Variants in ANO10 observed in about 807,000 individuals in gnomAD.
The protein encoded by ANO10 is anoctamin 10.
ANO10 carries 77 observed loss-of-function variants against 74.7 expected under a neutral mutation model. The ratio of observed to expected loss-of-function variants is 1.03; its 90% confidence interval spans 0.86 to 1.25. The LOEUF is 1.25. Among genes scored for constraint, ANO10 ranks in the 50% most tolerant of loss-of-function variants. The pLI, the probability that ANO10 is intolerant of heterozygous loss-of-function variation, is 0.00. For missense variants in ANO10, 721 were observed against 778.1 expected (o/e 0.93, Z 0.87); for synonymous variants, 279 against 284.9 (o/e 0.98, Z 0.21).
At chr3:43,415,957 G>A (rs928944486) in intron 12 of ANO10, among the ~76,000 whole-genome samples, 1 of 151,442 alleles carries the variant, frequency 6.6e-6, no homozygotes, top group African/African-American at 2.4e-5. Flanking sequence ...AACCTAGACT[G>A]ATGTTGTTAA....
At chr3:43,676,804 T>C (rs2084128339) in intron 1 of ANO10, among the ~76,000 whole-genome samples, 1 of 152,088 alleles carries the variant, frequency 6.6e-6, no homozygotes, top group African/African-American at 2.4e-5. Context: ...AAAAAGACTT[T>C]GTGAAAAAAA....
intron 10 of ANO10, among the ~76,000 whole-genome samples, chr3:43,552,805 CTTTTT>C (rs1405749176): frequency 6.8e-6 from 1 of 146,510 alleles, no homozygotes; most frequent in Admixed American, 6.8e-5. Context: ...ACACTATTTT[CTTTTT>C]GAGATGGAGC....
chr3:43,366,821 T>A lies in ANO10; in HGVS notation c.*85A>T. On this transcript the variant is annotated 3_prime_UTR_variant, in exon 13 of 13. Coordinates refer to ENST00000292246, the MANE Select transcript of ANO10 (RefSeq NM_018075.5). The stretch of plus-strand genomic sequence containing the variant: ...GGTCTGGGTTCAGGAGCCACGATGC[T>A]GCCCCGGGTACCCCCCCTGCCACCG... 2 of 1,393,662 alleles carry A rather than the reference T, an allele frequency of 1.4e-6. No homozygotes were observed. Among genetic ancestry groups the A allele is most frequent in the Admixed American group, 3.9e-5 (2 of 50,836 alleles). 86.3% of individuals were successfully genotyped at this position (1,393,662 alleles called of 1,614,324 possible).
intron 12 of ANO10, among the ~76,000 whole-genome samples, chr3:43,425,758 A>G (rs905413319): frequency 2.0e-5 from 3 of 152,124 alleles, no homozygotes; most frequent in African/African-American, 7.2e-5. Flanking sequence ...GAAATCAAAT[A>G]TTTTACCCCA....
chr3:43,506,383 G>C lies in ANO10; in HGVS notation c.1797+43337C>G, dbSNP rs115761279. On this transcript the variant is annotated intron_variant, in intron 11 of 12. Coordinates refer to ENST00000292246, the MANE Select transcript of ANO10 (RefSeq NM_018075.5). ...GTCCAAGACACCGTCTCTGTCCTAAGCCATTGCCATGACTTCCTACCTGGT... is the reference window on the plus strand; with the variant it reads ...GTCCAAGACACCGTCTCTGTCCTAACCCATTGCCATGACTTCCTACCTGGT... Among the ~76,000 whole-genome samples the C allele has an allele frequency of 3.3e-3, 506 of 152,212 alleles. 6 individuals are homozygous for C. The highest frequency in any genetic ancestry group is 0.01 in the African/African-American group (435 of 41,512).
chr3:43,370,332 C>G (rs550073508), intron 12 of ANO10, among the ~76,000 whole-genome samples: 2 of 152,346 alleles, frequency 1.3e-5, no homozygotes, highest in South Asian at 4.1e-4. Context: ...TTTTAACGAG[C>G]CTTCGAGTTT....
chr3:43,565,535 A>C, intron 8 of ANO10, 118 bp downstream of exon 8: 1 of 903,204 alleles, frequency 1.1e-6, no homozygotes, highest in Non-Finnish European at 1.7e-6. Flanking sequence ...GCTTAAAAAC[A>C]TACAAAATTT....
At chr3:43,374,400 C>T (rs1351884223) in intron 12 of ANO10, among the ~76,000 whole-genome samples, 1 of 152,126 alleles carries the variant, frequency 6.6e-6, no homozygotes, top group Non-Finnish European at 1.5e-5. Context: ...GAGAGACATA[C>T]CATTATGATT....
At chr3:43,453,599 T>C (rs989100990) in intron 11 of ANO10, among the ~76,000 whole-genome samples, 1 of 152,244 alleles carries the variant, frequency 6.6e-6, no homozygotes, top group Non-Finnish European at 1.5e-5. Context: ...TCTTGGCTTA[T>C]ACTTAGGTCT....
intron 11 of ANO10, among the ~76,000 whole-genome samples, chr3:43,454,744 G>C (rs1221547500): frequency 6.6e-6 from 1 of 152,178 alleles, no homozygotes; most frequent in African/African-American, 2.4e-5. Context: ...GAGACCTTCA[G>C]AAGTGGTGTC....
intron 1 of ANO10, among the ~76,000 whole-genome samples, chr3:43,682,315 A>G (rs2084212676): frequency 6.6e-6 from 1 of 152,250 alleles, no homozygotes; most frequent in South Asian, 2.1e-4. Context: ...TATGCAAATA[A>G]ACTAGAAAAT....
chr3:43,604,156 G>A (rs907832297), intron 2 of ANO10, among the ~76,000 whole-genome samples: 1 of 152,142 alleles, frequency 6.6e-6, no homozygotes, highest in Admixed American at 6.5e-5. Flanking sequence ...TACCTATAAT[G>A]TAGCGTGCTC....
At chr3:43,691,050 C>A in intron 1 of ANO10, 1 of 1,548,382 alleles carries the variant, frequency 6.5e-7, no homozygotes, top group African/African-American at 1.4e-5. Flanking sequence ...GTAAGCGCAG[C>A]CGGCAGGGGG....
In ANO10 at chr3:43,561,307, C is replaced by G. The variant is rs2080022229; in HGVS notation, c.1389G>C (p.Val463=). 1.9e-6 allele frequency: 3 copies of G among 1,614,166 alleles called. No individual in the cohort carries two copies. Among genetic ancestry groups the G allele is most frequent in the Non-Finnish European group, 2.5e-6 (3 of 1,180,014 alleles). ...YWLQRKHGVR[V]KRKVQALKAD... is the part of the protein sequence containing the mutation. ...CCTTTAAAGCCTGCACCTTCCTCTT[C>G]ACCCGCACACCATGCTTCCTTTGGA... Residue 463 remains valine (V), a synonymous_variant, in exon 9 of 13, where the codon GTG becomes GTC. Transcript: ENST00000292246.
intron 11 of ANO10, among the ~76,000 whole-genome samples, chr3:43,467,735 T>C (rs1215151454): frequency 6.6e-6 from 1 of 152,218 alleles, no homozygotes; most frequent in Non-Finnish European, 1.5e-5. Context: ...CTTTATTGTA[T>C]GTAAATTATA....
intron 11 of ANO10, among the ~76,000 whole-genome samples, chr3:43,477,750 C>T (rs772787278): frequency 5.9e-5 from 9 of 152,208 alleles, no homozygotes; most frequent in Non-Finnish European, 1.0e-4. Context: ...CACAGGAAGA[C>T]GCGAAGGTGA....
At chr3:43,529,411 A>G (rs1297139854) in intron 11 of ANO10, among the ~76,000 whole-genome samples, 2 of 152,146 alleles carry the variant, frequency 1.3e-5, no homozygotes, top group African/African-American at 4.8e-5. Flanking sequence ...CATCTATACC[A>G]TTTGGGATTT....
At chr3:43,516,461 G>A (rs902633184) in intron 11 of ANO10, among the ~76,000 whole-genome samples, 6 of 152,158 alleles carry the variant, frequency 3.9e-5, no homozygotes, top group Admixed American at 3.3e-4. Flanking sequence ...AGGGACGAAA[G>A]ACAGATAAGA....
At chr3:43,638,153 A>G (rs2083632947) in intron 1 of ANO10, among the ~76,000 whole-genome samples, 1 of 152,214 alleles carries the variant, frequency 6.6e-6, no homozygotes, top group African/African-American at 2.4e-5. Flanking sequence ...AGAAATGTAT[A>G]AATGGTCATT....
Sources: gnomAD v4.1 joint callset for allele counts (sites outside exome capture counted in the v4.1 genomes callset) on GRCh38, gnomAD v4.1.1 for gene constraint, MANE v1.5 for transcripts, NCBI Gene and HGNC (gene_info 2026-07-23, HGNC 2026-07-21) for gene names.